APBA1: variants seen among roughly 807,000 people sequenced by gnomAD.
The protein encoded by APBA1 is amyloid-beta A4 precursor protein-binding family A member 1.
APBA1 carries 55 observed loss-of-function variants against 86.6 expected under a neutral mutation model. The ratio of observed to expected loss-of-function variants is 0.64; its 90% CI spans 0.51 to 0.80. The LOEUF is 0.80. Ranked by LOEUF, APBA1 falls within the 30% of genes least tolerant of loss-of-function variation. The pLI is 0.00. For missense variants in APBA1, 1,090 were observed against 1,183.0 expected (o/e 0.92, Z 1.15); for synonymous variants, 511 against 493.9 (o/e 1.03, Z -0.46).
intron 1 of APBA1, among the ~76,000 whole-genome samples, chr9:69,640,579 T>C (rs1823267264): frequency 6.6e-6 from 1 of 152,030 alleles, no homozygotes; most frequent in Non-Finnish European, 1.5e-5. Flanking sequence ...ATGCTGAATG[T>C]TATATATATT....
chr9:69,570,263 A>G (rs1837095186), intron 1 of APBA1, among the ~76,000 whole-genome samples: 1 of 152,196 alleles, frequency 6.6e-6, no homozygotes, highest in South Asian at 2.1e-4. Context: ...GTGAGACACA[A>G]CCTCCAGTGG....
intron 2 of APBA1, among the ~76,000 whole-genome samples, chr9:69,483,096 G>T (rs1342637349): frequency 8.2e-6 from 1 of 122,246 alleles, no homozygotes; most frequent in Non-Finnish European, 1.7e-5. Flanking sequence ...ATGTGCACAT[G>T]TACCCTAAAA....
chr9:69,641,990 C>T (rs548059073), intron 1 of APBA1, among the ~76,000 whole-genome samples: 2 of 152,280 alleles, frequency 1.3e-5, no homozygotes, highest in East Asian at 3.9e-4. Flanking sequence ...GGACTACAGG[C>T]ACACGCCACC....
chr9:69,641,474 C>A (rs1292069144), intron 1 of APBA1, among the ~76,000 whole-genome samples: 1 of 152,134 alleles, frequency 6.6e-6, no homozygotes, highest in Non-Finnish European at 1.5e-5. Context: ...TTGGAGGACT[C>A]ATACTACCTG....
chr9:69,500,788 G>A (rs879621245), intron 2 of APBA1, among the ~76,000 whole-genome samples: 1 of 152,056 alleles, frequency 6.6e-6, no homozygotes, highest in Non-Finnish European at 1.5e-5. Context: ...TTTAAAGAGC[G>A]AAGCCCGGAC....
At chr9:69,643,615 T>G (rs548455695) in intron 1 of APBA1, among the ~76,000 whole-genome samples, 1 of 152,288 alleles carries the variant, frequency 6.6e-6, no homozygotes, top group East Asian at 1.9e-4. Flanking sequence ...ACACGGCCCA[T>G]GCAGCCCAGC....
At chr9:69,668,342 T>C (rs1042021571) in intron 1 of APBA1, among the ~76,000 whole-genome samples, 21 of 152,176 alleles carry the variant, frequency 1.4e-4, no homozygotes, top group Admixed American at 6.5e-5. Context: ...AGCCTGACAA[T>C]GATCTTTTGG....
intron 1 of APBA1, among the ~76,000 whole-genome samples, chr9:69,656,727 G>A (rs926455029): frequency 1.3e-5 from 2 of 152,000 alleles, no homozygotes; most frequent in Non-Finnish European, 2.9e-5. Context: ...AAGTTACATC[G>A]CAATTTAAAA....
intron 1 of APBA1, among the ~76,000 whole-genome samples, chr9:69,522,110 ATG>A (rs947119201): frequency 1.5e-4 from 22 of 151,042 alleles, no homozygotes; most frequent in African/African-American, 5.4e-4. Context: ...ATATATATAT[ATG>A]TGTGTGTGTA....
intron 1 of APBA1, among the ~76,000 whole-genome samples, chr9:69,633,874 C>G (rs141194273): frequency 6.6e-6 from 1 of 152,278 alleles, no homozygotes; most frequent in African/African-American, 2.4e-5. Context: ...AAGGTGACAC[C>G]AGCATCAGCT....
At chr9:69,525,692 C>T (rs915143436) in intron 1 of APBA1, among the ~76,000 whole-genome samples, 2 of 152,062 alleles carry the variant, frequency 1.3e-5, no homozygotes, top group African/African-American at 4.8e-5. Context: ...AAACTACCAA[C>T]ATCATTTTTC....
At chr9:69,435,042 A>C (rs544664969) in intron 11 of APBA1, among the ~76,000 whole-genome samples, 4 of 146,340 alleles carry the variant, frequency 2.7e-5, no homozygotes, top group Admixed American at 1.4e-4. Context: ...GAGAACATGC[A>C]GTGTTGGTTT....
intron 1 of APBA1, among the ~76,000 whole-genome samples, chr9:69,637,382 G>A (rs1300276602): frequency 6.6e-6 from 1 of 152,138 alleles, no homozygotes; most frequent in African/African-American, 2.4e-5. Context: ...TGGATTGTTT[G>A]TAACAGAAAG....
At chr9:69,620,135 C>G (rs758838633) in intron 1 of APBA1, among the ~76,000 whole-genome samples, 23 of 152,210 alleles carry the variant, frequency 1.5e-4, no homozygotes, top group Non-Finnish European at 2.6e-4. Context: ...TCCCTCACCA[C>G]GTTAGATCTG....
At chr9:69,522,068 TAC>T (rs9314700) in intron 1 of APBA1, among the ~76,000 whole-genome samples, 5,450 of 149,522 alleles carry the variant, frequency 0.036, 203 homozygotes, top group African/African-American at 0.099. Context: ...CACCATTTTA[TAC>T]ACACACACAC....
chr9:69,428,150 G>A lies in APBA1; in HGVS notation c.*3177C>T, dbSNP rs78206416. On this transcript the variant is annotated 3_prime_UTR_variant, in exon 13 of 13. Transcript: ENST00000265381. Reference sequence around the variant, plus strand: ...GCTACACCACTGGGTCGAGGGACCCGGGAAGGGCTCTGTAGATGGTTTTCA... The same window carrying A: ...GCTACACCACTGGGTCGAGGGACCCAGGAAGGGCTCTGTAGATGGTTTTCA... 14,103 of 152,206 alleles carry A rather than the reference G, an allele frequency of 0.093. 701 individuals carry two copies. The highest frequency in any genetic ancestry group is 0.12 in the Non-Finnish European group (7,840 of 68,048). The allele number at this position is 152,206 out of a possible 1,614,324, so 9.4% of individuals were successfully genotyped here. A position where few individuals can be genotyped will look rare whatever the true frequency, so the allele number is the denominator to read the frequency against.
rs1406912482 is a variant in APBA1, at chr9:69,580,123, C to T, written c.-69-62844G>A. Among the ~76,000 whole-genome samples, 3 of 152,164 alleles carry T rather than the reference C, an allele frequency of 2.0e-5. No homozygotes were observed. The East Asian group carries it at 5.8e-4, about 29-fold the overall frequency. On this transcript the variant is annotated intron_variant, in intron 1 of 12. Coordinates refer to ENST00000265381, the MANE Select transcript of APBA1 (RefSeq NM_001163.4). ...GGAGATGGGAAGCTGTGGTCTGTGT[C>T]CTTGAGGAAATCATTTTAAATACCT...
intron 8 of APBA1, among the ~76,000 whole-genome samples, chr9:69,455,396 G>T (rs570626247): frequency 6.6e-6 from 1 of 152,116 alleles, no homozygotes; most frequent in Non-Finnish European, 1.5e-5. Context: ...ATGGTGCGGG[G>T]AGGTAGGGGA....
At chr9:69,509,002 T>G (rs1835983174) in intron 2 of APBA1, among the ~76,000 whole-genome samples, 2 of 147,412 alleles carry the variant, frequency 1.4e-5, no homozygotes, top group East Asian at 2.1e-4. Context: ...ACATCACAAT[T>G]AAAAGAACTA....
Sources: allele counts gnomAD v4.1 joint callset (sites outside exome capture counted in the v4.1 genomes callset), GRCh38; gene constraint gnomAD v4.1.1; transcripts MANE v1.5; gene names NCBI Gene and HGNC (gene_info 2026-07-23, HGNC 2026-07-21).